Variants in LHFPL6 observed in about 807,000 individuals in gnomAD.
LHFPL6 encodes LHFPL tetraspan subfamily member 6, also known as LHFPL tetraspan subfamily member 6 protein.
A neutral mutation model predicts 20.6 loss-of-function variants in LHFPL6; 9 were observed. The ratio of observed to expected loss-of-function variants is 0.44; its 90% CI spans 0.26 to 0.76. LHFPL6 has a LOEUF of 0.76. Ranked by LOEUF, LHFPL6 falls within the 30% of genes least tolerant of loss-of-function variation. The pLI, the probability that LHFPL6 is intolerant of heterozygous loss-of-function variation, is 0.20. For missense variants in LHFPL6, 218 were observed against 253.5 expected (o/e 0.86, Z 0.95); for synonymous variants, 105 against 98.7 (o/e 1.06, Z -0.38).
chr13:39,377,667 A>T (rs911148815), intron 3 of LHFPL6, among the ~76,000 whole-genome samples: 2 of 152,262 alleles, frequency 1.3e-5, no homozygotes, highest in African/African-American at 4.8e-5. Context: ...GTATTCTGCA[A>T]AATATTTTAT....
chr13:39,541,675 T>C (rs1432876706), intron 2 of LHFPL6, among the ~76,000 whole-genome samples: 1 of 152,236 alleles, frequency 6.6e-6, no homozygotes, highest in Non-Finnish European at 1.5e-5. Flanking sequence ...TCTTTTTCTA[T>C]GTGTCTATTC....
intron 3 of LHFPL6, among the ~76,000 whole-genome samples, chr13:39,354,999 T>C (rs1049135186): frequency 6.6e-6 from 1 of 150,982 alleles, no homozygotes; most frequent in Non-Finnish European, 1.5e-5. Flanking sequence ...ATATAGTCTA[T>C]GAAAATTTCC....
At chr13:39,426,646 T>C (rs1007881885) in intron 2 of LHFPL6, among the ~76,000 whole-genome samples, 2 of 152,356 alleles carry the variant, frequency 1.3e-5, no homozygotes, top group Non-Finnish European at 2.9e-5. Context: ...TCACCCACGG[T>C]GCACCACATA....
intron 2 of LHFPL6, among the ~76,000 whole-genome samples, chr13:39,553,023 T>C (rs992869228): frequency 4.6e-5 from 7 of 152,344 alleles, no homozygotes; most frequent in Non-Finnish European, 1.0e-4. Flanking sequence ...ACTTTATTAA[T>C]GCTTTTAAAT....
chr13:39,416,334 T>A (rs1871347538), intron 2 of LHFPL6, among the ~76,000 whole-genome samples: 1 of 150,630 alleles, frequency 6.6e-6, no homozygotes, highest in Admixed American at 6.7e-5. Context: ...GCTTAGCACA[T>A]GTTTGTTGAA....
At chr13:39,574,036 A>G (rs1872020414) in intron 2 of LHFPL6, among the ~76,000 whole-genome samples, 1 of 152,190 alleles carries the variant, frequency 6.6e-6, no homozygotes, top group Non-Finnish European at 1.5e-5. Flanking sequence ...GGGAAGGGGC[A>G]TATTATAATG....
At chr13:39,361,785 A>G (rs1312125288) in intron 3 of LHFPL6, among the ~76,000 whole-genome samples, 1 of 152,224 alleles carries the variant, frequency 6.6e-6, no homozygotes, top group Non-Finnish European at 1.5e-5. Context: ...AGGTCTGTAG[A>G]TTAGATAATA....
In LHFPL6 at chr13:39,345,009, C is replaced by T. The variant is rs776825799; in HGVS notation, c.485-955G>A. ...ATCCAAGTTATTCTTTTTGTGTGCACAGTAAAGAAGGCCTCTATATCTTAT... is the reference window on the plus strand; with the variant it reads ...ATCCAAGTTATTCTTTTTGTGTGCATAGTAAAGAAGGCCTCTATATCTTAT... On this transcript the variant is annotated intron_variant, in intron 3 of 3. Coordinates refer to ENST00000379589, the MANE Select transcript of LHFPL6 (RefSeq NM_005780.3). Among the ~76,000 whole-genome samples the T allele has an allele frequency of 4.6e-5, 7 of 152,168 alleles. No individual in the cohort carries two copies. In the East Asian group the frequency reaches 7.7e-4, roughly 17 times the overall value.
In LHFPL6 at chr13:39,361,272, T is replaced by C. The variant is rs1350311522; in HGVS notation, c.484+17156A>G. Among the ~76,000 whole-genome samples, 2 of 96,528 alleles carry C rather than the reference T, an allele frequency of 2.1e-5. 1 individual carries two copies. The highest frequency in any genetic ancestry group is 4.9e-5 in the Non-Finnish European group (2 of 40,902). The allele number at this position is 96,528 out of a possible 152,430, so 63.3% of individuals were successfully genotyped here. On this transcript the variant is annotated intron_variant, in intron 3 of 3. Transcript: ENST00000379589. ...AATGAAGTTAGTGAAGAAAGCAACT[T>C]TTTTTCTTTCAAATTTTGAGCCTCT... is the stretch of plus-strand genomic sequence containing the variant.
chr13:39,553,429 C>T (rs750366906), intron 2 of LHFPL6, among the ~76,000 whole-genome samples: 21 of 152,240 alleles, frequency 1.4e-4, no homozygotes, highest in South Asian at 2.1e-4. Context: ...ACTTCAGGCA[C>T]GGCCAGGCAT....
chr13:39,361,913 G>A (rs969035586), intron 3 of LHFPL6, among the ~76,000 whole-genome samples: 9 of 152,168 alleles, frequency 5.9e-5, no homozygotes, highest in African/African-American at 2.2e-4. Context: ...GTCTCAGAAG[G>A]AGGGAAAAGG....
intron 2 of LHFPL6, among the ~76,000 whole-genome samples, chr13:39,410,846 T>C (rs906928100): frequency 6.6e-5 from 10 of 152,322 alleles, no homozygotes; most frequent in Middle Eastern, 3.4e-3. Context: ...CAAGAAGTCA[T>C]TGTCCCCTAT....
At chr13:39,490,522 T>C (rs1868888160) in intron 2 of LHFPL6, among the ~76,000 whole-genome samples, 1 of 152,196 alleles carries the variant, frequency 6.6e-6, no homozygotes, top group Non-Finnish European at 1.5e-5. Context: ...TCATGCTGGA[T>C]GCAATGAATG....
intron 3 of LHFPL6, among the ~76,000 whole-genome samples, chr13:39,358,055 T>G (rs1869774589): frequency 2.0e-5 from 3 of 152,144 alleles, no homozygotes; most frequent in African/African-American, 4.8e-5. Context: ...ATTCTAAAAT[T>G]CGTATGGAAC....
intron 2 of LHFPL6, among the ~76,000 whole-genome samples, chr13:39,504,382 G>T (rs1869399709): frequency 6.6e-6 from 1 of 152,114 alleles, no homozygotes; most frequent in South Asian, 2.1e-4. Flanking sequence ...GCATATTTCA[G>T]AATTTAAATT....
At chr13:39,508,581 A>C (rs1446677938) in intron 2 of LHFPL6, among the ~76,000 whole-genome samples, 2 of 152,214 alleles carry the variant, frequency 1.3e-5, no homozygotes, top group African/African-American at 2.4e-5. Flanking sequence ...GGAATCATAC[A>C]GTATGTACTC....
chr13:39,583,611 C>T (rs781534342), intron 2 of LHFPL6, among the ~76,000 whole-genome samples: 2 of 152,148 alleles, frequency 1.3e-5, no homozygotes, highest in South Asian at 2.1e-4. Flanking sequence ...TTACCTCTAC[C>T]TCACAAGGAC....
At chr13:39,573,914 G>T (rs914219982) in intron 2 of LHFPL6, among the ~76,000 whole-genome samples, 1 of 151,592 alleles carries the variant, frequency 6.6e-6, no homozygotes, top group Non-Finnish European at 1.5e-5. Flanking sequence ...ACCATATATC[G>T]CCAGGTTTAC....
rs74402434 is a variant in LHFPL6, at chr13:39,539,314, T to A, written c.385+61518A>T. The stretch of plus-strand genomic sequence containing the variant: ...ATCATGTGACTTGCAGATTTTATTT[T>A]AAAAAAAAAAAGCAACATGCTTATA... On this transcript the variant is annotated intron_variant, in intron 2 of 3. Transcript: ENST00000379589. Among the ~76,000 whole-genome samples, 490 of 146,308 alleles carry A rather than the reference T, an allele frequency of 3.3e-3. 4 individuals carry two copies. Among genetic ancestry groups the A allele is most frequent in the East Asian group, 0.027 (139 of 5,078 alleles).
Sources: gnomAD v4.1 joint callset for allele counts (sites outside exome capture counted in the v4.1 genomes callset) on GRCh38, gnomAD v4.1.1 for gene constraint, MANE v1.5 for transcripts, NCBI Gene and HGNC (gene_info 2026-07-23, HGNC 2026-07-21) for gene names.